Variants in WDR27 observed in about 807,000 individuals in gnomAD.
The protein encoded by WDR27 is WD repeat domain 27.
WDR27 carries 100 observed loss-of-function variants against 114.4 expected under a neutral mutation model. That is an observed-to-expected ratio of 0.87 (90% CI 0.74 to 1.03). The LOEUF is 1.03. Ranked by LOEUF, WDR27 falls within the 50% of genes least tolerant of loss-of-function variation. WDR27 has a pLI of 0.00. For missense variants in WDR27, 1,129 were observed against 1,092.9 expected, an observed-to-expected ratio of 1.03 and a Z score of -0.47; for synonymous variants, 449 against 423.1, an observed-to-expected ratio of 1.06 and a Z score of -0.75.
At chr6:169,430,972 G>A in the WDR27 span, among the ~76,000 whole-genome samples, 34 of 152,206 alleles carry the variant, frequency 2.2e-4, no homozygotes, top group South Asian at 6.6e-3. Flanking sequence ...GACCGGGGGT[G>A]GGAGCACTCA....
chr6:169,528,819 AC>A (rs1263011494), intron 25 of WDR27, among the ~76,000 whole-genome samples: 1 of 152,094 alleles, frequency 6.6e-6, no homozygotes, highest in African/African-American at 2.4e-5. Flanking sequence ...GAGCCATCAC[AC>A]CTGGCCTAAA....
intron 21 of WDR27, among the ~76,000 whole-genome samples, chr6:169,628,150 T>G (rs1186733583): frequency 6.6e-6 from 1 of 151,996 alleles, no homozygotes; most frequent in Non-Finnish European, 1.5e-5. Flanking sequence ...AATGCCCTTA[T>G]GAGGGAGGTT....
chr6:169,556,014 CCT>C (rs1351896958), intron 25 of WDR27, among the ~76,000 whole-genome samples: 6 of 152,212 alleles, frequency 3.9e-5, no homozygotes, highest in African/African-American at 1.4e-4. Flanking sequence ...TCATGTGACC[CCT>C]GTCTGTGAGC....
the WDR27 span, among the ~76,000 whole-genome samples, chr6:169,444,945 A>G: frequency 6.6e-6 from 1 of 152,156 alleles, no homozygotes; most frequent in East Asian, 1.9e-4. Context: ...CAGAATGAGG[A>G]CAATACTATC....
the WDR27 span, among the ~76,000 whole-genome samples, chr6:169,448,129 C>T: frequency 6.6e-6 from 1 of 152,068 alleles, no homozygotes; most frequent in Non-Finnish European, 1.5e-5. Context: ...TTTTCAAACT[C>T]CTGACCTCAG....
the WDR27 span, among the ~76,000 whole-genome samples, chr6:169,446,518 G>A: frequency 1.3e-5 from 2 of 152,182 alleles, no homozygotes; most frequent in African/African-American, 4.8e-5. Flanking sequence ...GTGGCACACC[G>A]GGGCAAACCA....
At chr6:169,690,857 G>A (rs1784317229) in intron 1 of WDR27, among the ~76,000 whole-genome samples, 1 of 152,164 alleles carries the variant, frequency 6.6e-6, no homozygotes, top group Non-Finnish European at 1.5e-5. Context: ...GTGCAGGGGG[G>A]AGCAGAATTT....
downstream of WDR27, among the ~76,000 whole-genome samples, chr6:169,453,201 C>T (rs911839): frequency 0.56 from 84,621 of 152,084 alleles, 26,316 homozygotes; most frequent in East Asian, 0.91. Flanking sequence ...GCTGGATGGA[C>T]AGTGATCTGG....
chr6:169,656,664 A>C (rs951933121), intron 13 of WDR27, among the ~76,000 whole-genome samples: 12 of 152,100 alleles, frequency 7.9e-5, no homozygotes, highest in East Asian at 1.9e-4. Context: ...CAGGAGGAGG[A>C]GGCTGGGATG....
intron 25 of WDR27, among the ~76,000 whole-genome samples, chr6:169,519,781 T>G (rs544689399): frequency 6.6e-6 from 1 of 152,048 alleles, no homozygotes; most frequent in African/African-American, 2.4e-5. Context: ...AGAACTCAAA[T>G]ATGAAGATGA....
intron 25 of WDR27, among the ~76,000 whole-genome samples, chr6:169,481,610 A>T (rs942220859): frequency 1.3e-5 from 2 of 152,224 alleles, no homozygotes; most frequent in Non-Finnish European, 2.9e-5. Context: ...ACCAACTAGA[A>T]GGAACGAACA....
At chr6:169,497,701 G>A (rs575060875) in intron 25 of WDR27, among the ~76,000 whole-genome samples, 2 of 152,072 alleles carry the variant, frequency 1.3e-5, no homozygotes, top group Non-Finnish European at 2.9e-5. Context: ...ACTACAATGA[G>A]ATTGTACCTC....
intron 23 of WDR27, among the ~76,000 whole-genome samples, chr6:169,588,943 G>T (rs1405629881): frequency 6.6e-6 from 1 of 152,214 alleles, no homozygotes; most frequent in Admixed American, 6.5e-5. Context: ...CGGAGCCTCA[G>T]TGCTGAGATT....
intron 13 of WDR27, 122 bp downstream of exon 13, chr6:169,658,154 G>A (rs1474800474): frequency 3.9e-6 from 3 of 772,846 alleles, no homozygotes; most frequent in Non-Finnish European, 6.6e-6. Context: ...AGGACAGAAG[G>A]ATGGAAGGAA....
In WDR27 at chr6:169,615,955, TA is replaced by T. The variant is rs58804837; in HGVS notation, c.2224-2300del. Among the ~76,000 whole-genome samples, 339 of 144,520 alleles carry T rather than the reference TA, an allele frequency of 2.3e-3. 2 individuals are homozygous for T. The highest frequency in any genetic ancestry group is 3.7e-3 in the Non-Finnish European group (242 of 66,012). 94.8% of individuals were successfully genotyped at this position (144,520 alleles called of 152,430 possible). On this transcript the variant is annotated intron_variant, in intron 21 of 25. Transcript: ENST00000448612. The stretch of plus-strand genomic sequence containing the variant: ...TTTAAGAAAAGTTCTGAAAACCTAA[TA>T]AAAAAAAAAAAGTCAAAACTGAAAG...
In WDR27 at chr6:169,638,986, GCA is replaced by G. The variant is rs1373947644; in HGVS notation, c.1748-328_1748-327del. Reference sequence around the variant, plus strand: ...TGTACTGCATGGTGCTGGGTACTGTGCAGTGCTGGGTACTGCGTGGTGCTGGA... The same window carrying G: ...TGTACTGCATGGTGCTGGGTACTGTGGTGCTGGGTACTGCGTGGTGCTGGA... On this transcript the variant is annotated intron_variant, in intron 17 of 25. Coordinates refer to ENST00000448612, the MANE Select transcript of WDR27 (RefSeq NM_182552.5). Among the ~76,000 whole-genome samples the G allele has an allele frequency of 5.2e-4, 79 of 152,188 alleles. 1 individual carries two copies. The South Asian group carries it at 0.016, about 30-fold the overall frequency.
In WDR27 at chr6:169,498,531, A is replaced by C. The variant is rs145602375; in HGVS notation, c.2646-40897T>G. ...TAAAACTATAGGAATTTTAGAAAGCAAAATAGGAGAAAATCTTCAGGATCT... is the reference window on the plus strand; with the variant it reads ...TAAAACTATAGGAATTTTAGAAAGCCAAATAGGAGAAAATCTTCAGGATCT... On this transcript the variant is annotated intron_variant, in intron 25 of 25. Coordinates refer to ENST00000448612, the MANE Select transcript of WDR27 (RefSeq NM_182552.5). 2.6e-4 allele frequency among the ~76,000 whole-genome samples: 39 copies of C among 152,340 alleles called. No individual in the cohort carries two copies. The East Asian group carries it at 6.8e-3, about 26-fold the overall frequency.
At chr6:169,603,093 T>C (rs531639599) in intron 22 of WDR27, among the ~76,000 whole-genome samples, 1 of 151,894 alleles carries the variant, frequency 6.6e-6, no homozygotes, top group East Asian at 1.9e-4. Flanking sequence ...CCACCTGCCT[T>C]GGCCTCCCAA....
At chr6:169,668,621 C>T (rs1828550683) in intron 4 of WDR27, 2 of 167,206 alleles carry the variant, frequency 1.2e-5, no homozygotes, top group Non-Finnish European at 2.6e-5. Context: ...CAGGGCTTCC[C>T]GTTTATATGG....
Sources: allele counts gnomAD v4.1 joint callset (sites outside exome capture counted in the v4.1 genomes callset), GRCh38; gene constraint gnomAD v4.1.1; transcripts MANE v1.5; gene names NCBI Gene and HGNC (gene_info 2026-07-23, HGNC 2026-07-21).